The following AKAP6 variants were observed in gnomAD, a reference collection of about 807,000 sequenced individuals.
AKAP6 encodes A-kinase anchoring protein 6, also known as A-kinase anchor protein 6.
A neutral mutation model predicts 188.5 loss-of-function variants in AKAP6; 58 were observed. That is an observed-to-expected ratio of 0.31 (90% confidence interval 0.25 to 0.38). The LOEUF (loss-of-function observed/expected upper bound fraction) is 0.38. Among genes scored for constraint, AKAP6 ranks in the 10% least tolerant of loss-of-function variants. The pLI is 1.00. For synonymous variants in AKAP6, 989 were observed against 998.6 expected (o/e 0.99, Z 0.18); for missense variants, 2,710 against 2,740.0 (o/e 0.99, Z 0.24).
intron 11 of AKAP6, among the ~76,000 whole-genome samples, chr14:32,766,231 T>G (rs1044528168): frequency 6.6e-6 from 1 of 152,170 alleles, no homozygotes; most frequent in African/African-American, 2.4e-5. Context: ...TTATATGTAT[T>G]TACTGCATTT....
rs1458183439 is a variant in AKAP6, at chr14:32,577,160, A to T, written c.2387A>T (p.Asn796Ile). 6.2e-7 allele frequency: 1 copy of T among 1,612,258 alleles called. No homozygotes were observed. Among genetic ancestry groups the T allele is most frequent in the African/African-American group, 1.3e-5 (1 of 74,778 alleles). The change falls in exon 5 of 14, where the codon AAT becomes ATT. Residue 796 changes from asparagine to isoleucine, a missense_variant. Asn to Ile is a moderately radical substitution (Grantham distance 149). Coordinates refer to ENST00000280979, the MANE Select transcript of AKAP6 (RefSeq NM_004274.5). ...CTGGATGAATTCATTCAATGGTTAA[A>T]TGAAGCCATGGAAACTACAGAAAAT... is the stretch of plus-strand genomic sequence containing the variant. Reference protein sequence around the residue: ...NKLDEFIQWLNEAMETTENWT... With the variant: ...NKLDEFIQWLIEAMETTENWT...
At position 32,535,738 on chromosome 14, in the gene AKAP6, A is replaced by G. The variant is rs765070228; in HGVS notation, c.509A>G (p.Gln170Arg). 4.3e-6 allele frequency: 7 copies of G among 1,614,136 alleles called. No homozygotes were observed. Among genetic ancestry groups the G allele is most frequent in the Non-Finnish European group, 5.9e-6 (7 of 1,180,036 alleles). Residue 170 changes from glutamine to arginine, a missense_variant, in exon 3 of 14, where the codon CAG (glutamine) becomes CGG (arginine). Physicochemically the swap from Gln to Arg is conservative, Grantham distance 43. Around this residue, in one of 2 missense-constraint regions of AKAP6, gnomAD observed 237 missense variants for 313.9 expected, o/e 0.76. Coordinates refer to ENST00000280979, the MANE Select transcript of AKAP6 (RefSeq NM_004274.5). ...VLRERILQGL[Q>R]DANGNYTRQT... ...CGGGAGCGCATTCTGCAAGGTCTGCAGGACGCCAATGGCAACTACACTAGG... is the reference window on the plus strand; with the variant it reads ...CGGGAGCGCATTCTGCAAGGTCTGCGGGACGCCAATGGCAACTACACTAGG...
intron 4 of AKAP6, among the ~76,000 whole-genome samples, chr14:32,565,187 C>T (rs1884132387): frequency 6.6e-6 from 1 of 152,072 alleles, no homozygotes; most frequent in African/African-American, 2.4e-5. Flanking sequence ...TGTAGAGTTC[C>T]AGGCTTATAC....
rs776617608 is a variant in AKAP6, at chr14:32,824,483, G to A, written c.6670G>A (p.Val2224Ile). The change falls in exon 13 of 14, where the codon GTT becomes ATT. Residue 2224 changes from valine to isoleucine, a missense_variant. Transcript: ENST00000280979. ...SSPSSQERAE[V>I]GKEVNGLPQT... ...TCCTTCCTCTCAGGAAAGAGCTGAG[G>A]TTGGAAAGGAAGTGAATGGTTTGCC... 98 of 1,613,982 alleles carry A rather than the reference G, an allele frequency of 6.1e-5. No homozygotes were observed. The South Asian group carries it at 1.0e-3, about 17-fold the overall frequency.
chr14:32,657,670 A>G (rs1888510967), intron 7 of AKAP6, among the ~76,000 whole-genome samples: 1 of 151,828 alleles, frequency 6.6e-6, no homozygotes, highest in Non-Finnish European at 1.5e-5. Context: ...CAGGAAGGAT[A>G]TGATTACTTT....
At chr14:32,593,011 A>ACACACACACAC (rs1555343002) in intron 5 of AKAP6, among the ~76,000 whole-genome samples, 2 of 123,798 alleles carry the variant, frequency 1.6e-5, no homozygotes, top group African/African-American at 6.3e-5. Flanking sequence ...CCCCCACCCC[A>ACACACACACAC]ACACACACAC....
chr14:32,824,223 T>C lies in AKAP6; in HGVS notation c.6410T>C (p.Leu2137Ser). The C allele has an allele frequency of 1.2e-6, 2 of 1,613,966 alleles. No homozygotes were observed. The highest frequency in any genetic ancestry group is 1.7e-6 in the Non-Finnish European group (2 of 1,179,936). ...ATAGAAGAGAAAAGCAGCACTCCAT[T>C]GCCACTAGACACCACTGACTCGGGC... The part of the protein sequence containing the change: ...NYIEEKSSTP[L>S]PLDTTDSGLD... The change falls in exon 13 of 14, where the codon TTG becomes TCG. Residue 2137 changes from leucine (L) to serine (S), a missense_variant. Leu to Ser is a moderately radical substitution (Grantham distance 145). Coordinates refer to ENST00000280979, the MANE Select transcript of AKAP6 (RefSeq NM_004274.5).
chr14:32,746,056 T>C (rs2031897014), intron 11 of AKAP6, among the ~76,000 whole-genome samples: 1 of 152,084 alleles, frequency 6.6e-6, no homozygotes, highest in Non-Finnish European at 1.5e-5. Context: ...GGACTCACCT[T>C]TCAGGGAAGT....
At chr14:32,811,280 G>A (rs1028242140) in intron 12 of AKAP6, among the ~76,000 whole-genome samples, 5 of 142,926 alleles carry the variant, frequency 3.5e-5, no homozygotes, top group Non-Finnish European at 7.7e-5. Context: ...CTAAGATAAT[G>A]TGTGCCATTT....
chr14:32,450,111 C>A (rs914296301), intron 2 of AKAP6, among the ~76,000 whole-genome samples: 6 of 152,196 alleles, frequency 3.9e-5, no homozygotes, highest in African/African-American at 1.4e-4. Flanking sequence ...GGACACCAGG[C>A]AATTTAGTAA....
intron 11 of AKAP6, among the ~76,000 whole-genome samples, chr14:32,744,463 C>T (rs896341155): frequency 4.6e-5 from 7 of 151,984 alleles, no homozygotes; most frequent in Non-Finnish European, 7.4e-5. Context: ...ACTACAGGCA[C>T]CCGCCACCAC....
intron 1 of AKAP6, among the ~76,000 whole-genome samples, chr14:32,402,592 G>T (rs1192517481): frequency 1.3e-5 from 2 of 152,024 alleles, no homozygotes; most frequent in South Asian, 4.1e-4. Context: ...CCCTACTCTT[G>T]TCTTATTTTG....
At chr14:32,541,521 AT>A (rs1882955737) in intron 3 of AKAP6, among the ~76,000 whole-genome samples, 1 of 152,062 alleles carries the variant, frequency 6.6e-6, no homozygotes, top group Non-Finnish European at 1.5e-5. Context: ...TTGGAGTCTA[AT>A]TTTTACCTGG....
At chr14:32,426,613 G>A (rs899594949) in intron 1 of AKAP6, among the ~76,000 whole-genome samples, 4 of 152,144 alleles carry the variant, frequency 2.6e-5, no homozygotes, top group Non-Finnish European at 5.9e-5. Context: ...GCTTAAAGGT[G>A]ATTTTTAGCA....
chr14:32,672,915 A>G (rs1413766879), intron 7 of AKAP6, among the ~76,000 whole-genome samples: 1 of 152,208 alleles, frequency 6.6e-6, no homozygotes, highest in Non-Finnish European at 1.5e-5. Flanking sequence ...AGAGAGATAG[A>G]GGAAGATTAA....
intron 4 of AKAP6, among the ~76,000 whole-genome samples, chr14:32,557,413 T>A (rs1406844432): frequency 7.2e-5 from 11 of 152,154 alleles, no homozygotes; most frequent in African/African-American, 2.4e-4. Flanking sequence ...CCTACTCTTT[T>A]AAAAAAAGTC....
chr14:32,508,461 G>C (rs1024481088), intron 2 of AKAP6, among the ~76,000 whole-genome samples: 1 of 152,146 alleles, frequency 6.6e-6, no homozygotes, highest in Admixed American at 6.5e-5. Flanking sequence ...CCGGTTGCAG[G>C]AAAGACAGAA....
intron 9 of AKAP6, chr14:32,726,185 A>C: frequency 3.0e-6 from 3 of 984,228 alleles, no homozygotes; most frequent in Non-Finnish European, 3.6e-6. Flanking sequence ...CAGGACAAAC[A>C]ACACCTGAAG....
rs763661399 is a variant in AKAP6 at position 32,777,207 on chromosome 14, C to G, written c.3588+3314C>G. Among the ~76,000 whole-genome samples, 50 of 152,266 alleles carry G rather than the reference C, an allele frequency of 3.3e-4. No homozygotes were observed. In the Middle Eastern group the frequency reaches 0.01, roughly 31 times the overall value. ...TTTCAAAGTAATTTAACTATACTCC[C>G]AGGACAAAGCTCAAGAATATTTATA... On this transcript the variant is annotated intron_variant, in intron 12 of 13. Coordinates refer to ENST00000280979, the MANE Select transcript of AKAP6 (RefSeq NM_004274.5).
Sources: gnomAD v4.1 joint callset for allele counts (sites outside exome capture counted in the v4.1 genomes callset) on GRCh38, gnomAD v4.1.1 for gene constraint, gnomAD v4.1.1 regional missense constraint, MANE v1.5 for transcripts, NCBI Gene and HGNC (gene_info 2026-07-23, HGNC 2026-07-21) for gene names.